TAFA2: variants seen among roughly 807,000 people sequenced by gnomAD.
TAFA2 encodes the protein TAFA chemokine like family member 2.
A neutral mutation model predicts 18.8 loss-of-function variants in TAFA2; 7 were observed. The observed-to-expected ratio is 0.37, with a 90% CI of 0.21 to 0.70. The LOEUF (loss-of-function observed/expected upper bound fraction) is 0.70, where lower values mean the gene tolerates loss of function less well. Ranked by LOEUF, TAFA2 falls within the 30% of genes least tolerant of loss-of-function variation. The pLI is 0.53. For missense variants in TAFA2, 122 were observed against 158.1 expected, an observed-to-expected ratio of 0.77 and a Z score of 1.23; for synonymous variants, 60 against 54.2, an observed-to-expected ratio of 1.11 and a Z score of -0.47.
chr12:62,121,413 A>G (rs1165709547), intron 1 of TAFA2, among the ~76,000 whole-genome samples: 1 of 152,214 alleles, frequency 6.6e-6, no homozygotes, highest in Non-Finnish European at 1.5e-5. Flanking sequence ...TGAGCCAGTG[A>G]TTCAACTTTA....
At chr12:62,234,748 T>C (rs1258268559) in intron 1 of TAFA2, 2 of 1,101,972 alleles carry the variant, frequency 1.8e-6, no homozygotes, top group Non-Finnish European at 2.8e-6. Context: ...TCCTGAGGCC[T>C]GGAGTTCTGC....
At chr12:61,972,129 G>C (rs182375506) in intron 1 of TAFA2, among the ~76,000 whole-genome samples, 59 of 151,734 alleles carry the variant, frequency 3.9e-4, no homozygotes, top group African/African-American at 1.4e-3. Flanking sequence ...CACAGGATGT[G>C]CAGGTTTGTT....
chr12:61,830,236 A>G (rs909351443), intron 2 of TAFA2, among the ~76,000 whole-genome samples: 2 of 150,160 alleles, frequency 1.3e-5, no homozygotes, highest in African/African-American at 4.9e-5. Flanking sequence ...ATATATGTAT[A>G]TATAACATTT....
At chr12:62,216,667 C>T (rs181677361) in intron 1 of TAFA2, among the ~76,000 whole-genome samples, 1 of 152,126 alleles carries the variant, frequency 6.6e-6, no homozygotes, top group Admixed American at 6.5e-5. Flanking sequence ...ATCTGAAAAA[C>T]GCTTTATTTT....
intron 1 of TAFA2, among the ~76,000 whole-genome samples, chr12:62,075,560 T>C (rs1868246868): frequency 6.6e-6 from 1 of 152,102 alleles, no homozygotes; most frequent in Admixed American, 6.6e-5. Flanking sequence ...CTATAAGGAG[T>C]GAAGCTGCCA....
chr12:62,179,750 G>A (rs957951457), intron 1 of TAFA2, among the ~76,000 whole-genome samples: 1 of 151,986 alleles, frequency 6.6e-6, no homozygotes, highest in Non-Finnish European at 1.5e-5. Flanking sequence ...TTTTTAGAGA[G>A]AAATCTAGAA....
At chr12:62,146,424 C>CA (rs2062281731) in intron 1 of TAFA2, among the ~76,000 whole-genome samples, 1 of 151,898 alleles carries the variant, frequency 6.6e-6, no homozygotes, top group South Asian at 2.1e-4. Flanking sequence ...GCTGGGACTA[C>CA]AGGCATGCCA....
chr12:62,071,428 G>A (rs1019650575), intron 1 of TAFA2, among the ~76,000 whole-genome samples: 5 of 152,128 alleles, frequency 3.3e-5, no homozygotes, highest in Non-Finnish European at 7.4e-5. Flanking sequence ...GAGATGGGAA[G>A]CTTTGAGGGA....
At chr12:62,005,911 A>T (rs1880532853) in intron 1 of TAFA2, among the ~76,000 whole-genome samples, 1 of 152,138 alleles carries the variant, frequency 6.6e-6, no homozygotes, top group Non-Finnish European at 1.5e-5. Flanking sequence ...AAAATCCAAA[A>T]ATAAGTCTTA....
intron 2 of TAFA2, among the ~76,000 whole-genome samples, chr12:61,800,403 G>A (rs1871353747): frequency 6.6e-6 from 1 of 152,106 alleles, no homozygotes; most frequent in Non-Finnish European, 1.5e-5. Flanking sequence ...CTGAAGGTAA[G>A]AAAACTTGAT....
chr12:62,234,463 TG>T, intron 1 of TAFA2: 1 of 1,009,708 alleles, frequency 9.9e-7, no homozygotes, highest in Non-Finnish European at 1.6e-6. Flanking sequence ...ATGAGTCTTC[TG>T]GTGTTGCTTG....
At chr12:61,823,103 T>C (rs768460429) in intron 2 of TAFA2, among the ~76,000 whole-genome samples, 4 of 152,192 alleles carry the variant, frequency 2.6e-5, no homozygotes, top group Admixed American at 6.5e-5. Context: ...TTAGAAACTT[T>C]TTAAAAGAAT....
intron 1 of TAFA2, among the ~76,000 whole-genome samples, chr12:62,074,732 C>G (rs565127306): frequency 4.8e-5 from 7 of 146,854 alleles, no homozygotes; most frequent in African/African-American, 1.8e-4. Context: ...GACAGAGTCT[C>G]ACTCTGTCAC....
intron 4 of TAFA2, among the ~76,000 whole-genome samples, chr12:61,740,447 G>A (rs771725875): frequency 2.6e-5 from 4 of 151,232 alleles, no homozygotes; most frequent in Non-Finnish European, 5.9e-5. Flanking sequence ...AAACCTGCAC[G>A]TTCTGCACAT....
intron 1 of TAFA2, 63 bp from the exon 2 acceptor site, chr12:61,867,489 G>T: frequency 2.0e-6 from 2 of 986,596 alleles, no homozygotes; most frequent in Non-Finnish European, 3.1e-6. Flanking sequence ...CCTTATGATT[G>T]TGCTACATGT....
intron 4 of TAFA2, among the ~76,000 whole-genome samples, chr12:61,726,971 G>T (rs1403075680): frequency 6.6e-6 from 1 of 151,880 alleles, no homozygotes; most frequent in Non-Finnish European, 1.5e-5. Context: ...CTTTTTCTGA[G>T]ACTATTGAGA....
chr12:61,799,147 A>AACAG (rs1871302123), intron 2 of TAFA2, among the ~76,000 whole-genome samples: 1 of 152,232 alleles, frequency 6.6e-6, no homozygotes, highest in Non-Finnish European at 1.5e-5. Context: ...AAACTCATAG[A>AACAG]ACAGATAATA....
In TAFA2 at chr12:62,191,676, C is replaced by A. The variant is rs1458748540; in HGVS notation, c.-419G>T. Reference sequence around the variant, plus strand: ...GCCCGCGGTCGCCTCCTGTCCTCGCCGGATGCGCGCGGTGCGCTCAGCTCC... The same window carrying A: ...GCCCGCGGTCGCCTCCTGTCCTCGCAGGATGCGCGCGGTGCGCTCAGCTCC... On this transcript the variant is annotated 5_prime_UTR_variant, in exon 1 of 5. Coordinates refer to ENST00000416284, the MANE Select transcript of TAFA2 (RefSeq NM_178539.5). 6.6e-6 allele frequency: 1 copy of A among 152,294 alleles called. No individual in the cohort carries two copies. The highest frequency in any genetic ancestry group is 2.4e-5 in the African/African-American group (1 of 41,460). 9.4% of individuals were successfully genotyped at this position (152,294 alleles called of 1,614,324 possible). A position where few individuals can be genotyped will look rare whatever the true frequency, so the allele number is the denominator to read the frequency against.
chr12:61,865,926 G>T (rs1874335618), intron 2 of TAFA2, among the ~76,000 whole-genome samples: 1 of 152,060 alleles, frequency 6.6e-6, no homozygotes, highest in South Asian at 2.1e-4. Flanking sequence ...CCACGGCAGG[G>T]CTTGGCCCTA....
Sources: allele counts gnomAD v4.1 joint callset (sites outside exome capture counted in the v4.1 genomes callset), GRCh38; gene constraint gnomAD v4.1.1; transcripts MANE v1.5; gene names NCBI Gene and HGNC (gene_info 2026-07-23, HGNC 2026-07-21).